Variants in CWF19L1 observed in about 807,000 individuals in gnomAD.
CWF19L1 encodes CWF19-like protein 1.
Under a neutral mutation model 69.7 loss-of-function variants are expected in CWF19L1, and 60 were observed. The observed-to-expected ratio is 0.86, with a 90% confidence interval of 0.70 to 1.07. The LOEUF is 1.07. CWF19L1 is among the 50% of genes least tolerant of loss of function. The probability of loss-of-function intolerance (pLI) is 0.00; values close to 1 mark genes in which losing one functional copy is unlikely to be tolerated. For missense variants in CWF19L1, 591 were observed against 638.9 expected (o/e 0.92, Z 0.81); for synonymous variants, 209 against 222.2 (o/e 0.94, Z 0.53).
At chr10:100,260,438 C>A (rs1008645547) in intron 3 of CWF19L1, 119 bp from the exon 4 acceptor site, 12 of 572,048 alleles carry the variant, frequency 2.1e-5, no homozygotes, top group Middle Eastern at 9.1e-4. Context: ...CATTCACATT[C>A]CCCATATTTA....
rs1846509094 is a variant in CWF19L1, at chr10:100,238,120, C to A, written c.1156G>T (p.Glu386Ter). ...ELSAEVVEEV[E>*]KYKATLRRFF... ...CGTCTCAGAGTGGCCTTATACTTCT[C>A]CACCTCTTCTACCACCTCTGCTGAA... The change falls in exon 11 of 14, where the codon GAG becomes TAG. Residue 386 changes from glutamate (E) to a stop codon, truncating the protein, a stop_gained. Coordinates refer to ENST00000354105, the MANE Select transcript of CWF19L1 (RefSeq NM_018294.6). LOFTEE classifies it high-confidence loss of function. 1.2e-6 allele frequency: 2 copies of A among 1,614,072 alleles called. No individual in the cohort carries two copies. The highest frequency in any genetic ancestry group is 2.7e-5 in the African/African-American group (2 of 74,920).
At chr10:100,257,507 C>A (rs1263892721) in intron 4 of CWF19L1, among the ~76,000 whole-genome samples, 1 of 151,820 alleles carries the variant, frequency 6.6e-6, no homozygotes, top group Non-Finnish European at 1.5e-5. Context: ...ATCATGTTGG[C>A]CAGGATGGTC....
intron 3 of CWF19L1, among the ~76,000 whole-genome samples, 191 bp downstream of exon 3, chr10:100,260,775 G>A (rs1206959916): frequency 2.0e-5 from 3 of 152,006 alleles, no homozygotes; most frequent in African/African-American, 4.8e-5. Context: ...CACATGCCTC[G>A]GCCTCCCAAA....
chr10:100,243,275 CT>C (rs747887657), intron 10 of CWF19L1, among the ~76,000 whole-genome samples: 78 of 152,196 alleles, frequency 5.1e-4, no homozygotes, highest in Admixed American at 5.9e-4. Flanking sequence ...CATCTATACA[CT>C]GGAATATGAT....
chr10:100,267,391 A>G (rs1847636226), intron 1 of CWF19L1, 180 bp downstream of exon 1: 2 of 979,724 alleles, frequency 2.0e-6, no homozygotes, highest in African/African-American at 1.8e-5. Flanking sequence ...AGAAGCGAAA[A>G]GGGCCAGGAA....
intron 13 of CWF19L1, among the ~76,000 whole-genome samples, chr10:100,234,988 C>T (rs1304474873): frequency 1.3e-5 from 2 of 152,164 alleles, no homozygotes; most frequent in African/African-American, 4.8e-5. Flanking sequence ...TCTCTACAGC[C>T]TGCTATCCAG....
At chr10:100,241,696 G>A (rs1428681056) in intron 10 of CWF19L1, among the ~76,000 whole-genome samples, 1 of 152,242 alleles carries the variant, frequency 6.6e-6, no homozygotes, top group Non-Finnish European at 1.5e-5. Context: ...AATGGCCTTC[G>A]TGCTGCATCA....
In CWF19L1 at chr10:100,253,517, CATTTTTTGGT is replaced by C; in HGVS notation, c.517_526del (p.Thr173ValfsTer13). On this transcript the variant is annotated frameshift_variant, in exon 6 of 14. Coordinates refer to ENST00000354105, the MANE Select transcript of CWF19L1 (RefSeq NM_018294.6). LOFTEE classifies it high-confidence loss of function. ...AAGACTGGAAACCAAAGCAGAACCA[CATTTTTTGGT>C]ATCCACTTCTCCCTAGTAAACAAAA... The C allele has an allele frequency of 1.2e-6, 2 of 1,613,458 alleles. No homozygotes were observed.
chr10:100,253,193 G>GA (rs1847100037), intron 6 of CWF19L1, among the ~76,000 whole-genome samples: 2 of 152,176 alleles, frequency 1.3e-5, no homozygotes, highest in Non-Finnish European at 2.9e-5. Context: ...CCCTGAAAAG[G>GA]AAAAAACTGA....
At chr10:100,247,804 G>A (rs1038622000) in intron 7 of CWF19L1, among the ~76,000 whole-genome samples, 6 of 152,300 alleles carry the variant, frequency 3.9e-5, no homozygotes, top group Non-Finnish European at 8.8e-5. Context: ...GCTGAGGCAG[G>A]AGAATCGCTT....
intron 7 of CWF19L1, chr10:100,248,443 TAC>T: frequency 1.4e-6 from 1 of 689,908 alleles, no homozygotes; most frequent in South Asian, 1.5e-5. Context: ...ATTCCATGGG[TAC>T]ACAAACCTAT....
chr10:100,243,243 C>T (rs754195734), intron 10 of CWF19L1, among the ~76,000 whole-genome samples: 5 of 152,048 alleles, frequency 3.3e-5, no homozygotes, highest in Non-Finnish European at 7.4e-5. Context: ...AGCTGATGAA[C>T]AGATATAGAC....
intron 3 of CWF19L1, among the ~76,000 whole-genome samples, 179 bp downstream of exon 3, chr10:100,260,787 T>C (rs1847374624): frequency 6.6e-6 from 1 of 152,120 alleles, no homozygotes; most frequent in African/African-American, 2.4e-5. Context: ...CCTCCCAAAG[T>C]GCGGGGATTA....
At chr10:100,243,675 T>C (rs1328856437) in intron 10 of CWF19L1, 23 bp downstream of exon 10, 5 of 1,605,164 alleles carry the variant, frequency 3.1e-6, no homozygotes, top group African/African-American at 1.3e-5. Flanking sequence ...TCCTTCTCTA[T>C]AAAGTCCAAG....
At chr10:100,260,747 C>T (rs1450643912) in intron 3 of CWF19L1, among the ~76,000 whole-genome samples, 2 of 151,966 alleles carry the variant, frequency 1.3e-5, no homozygotes, top group Admixed American at 1.3e-4. Context: ...GGTCTTGAAC[C>T]CCTGACCTCA....
At chr10:100,237,021 G>A (rs1302721845) in intron 11 of CWF19L1, 52 bp from the exon 12 acceptor site, 2 of 1,538,260 alleles carry the variant, frequency 1.3e-6, no homozygotes, top group Non-Finnish European at 8.8e-7. Flanking sequence ...CAGAGAAGTT[G>A]TGCCTGCACA....
chr10:100,242,487 A>G (rs1441301389), intron 10 of CWF19L1, among the ~76,000 whole-genome samples: 1 of 152,170 alleles, frequency 6.6e-6, no homozygotes, highest in African/African-American at 2.4e-5. Flanking sequence ...CAGCCTGGCC[A>G]GCAGGGTGAA....
intron 6 of CWF19L1, among the ~76,000 whole-genome samples, chr10:100,251,208 T>G (rs948558379): frequency 2.0e-5 from 3 of 152,222 alleles, no homozygotes; most frequent in African/African-American, 7.2e-5. Context: ...TGTGTGGACA[T>G]ATGTTTTCCC....
At chr10:100,262,994 A>AC (rs1381978193) in intron 1 of CWF19L1, among the ~76,000 whole-genome samples, 1 of 151,642 alleles carries the variant, frequency 6.6e-6, no homozygotes, top group African/African-American at 2.4e-5. Flanking sequence ...CAGTGGCACG[A>AC]CCTTGGCTCA....
Sources: gnomAD v4.1 joint callset for allele counts (sites outside exome capture counted in the v4.1 genomes callset) on GRCh38, gnomAD v4.1.1 for gene constraint, MANE v1.5 for transcripts, NCBI Gene and HGNC (gene_info 2026-07-23, HGNC 2026-07-21) for gene names.